Variants in IQCJ observed in about 807,000 individuals in gnomAD.
IQCJ encodes the protein IQ domain-containing protein J.
IQCJ carries 9 observed loss-of-function variants against 11.0 expected under a neutral mutation model. The ratio of observed to expected loss-of-function variants is 0.82; its 90% CI spans 0.49 to 1.43. The LOEUF (loss-of-function observed/expected upper bound fraction) is 1.43, where lower values mean the gene tolerates loss of function less well. Ranked by LOEUF, IQCJ falls within the 40% of genes most tolerant of loss-of-function variation. The probability of loss-of-function intolerance (pLI) is 0.00; values close to 1 mark genes in which losing one functional copy is unlikely to be tolerated. For missense variants in IQCJ, 146 were observed against 133.2 expected (o/e 1.10, Z -0.47); for synonymous variants, 55 against 51.3 (o/e 1.07, Z -0.31).
intron 1 of IQCJ, among the ~76,000 whole-genome samples, chr3:159,192,229 A>G (rs1363827562): frequency 1.3e-5 from 2 of 152,114 alleles, no homozygotes; most frequent in Non-Finnish European, 2.9e-5. Flanking sequence ...TTTAAATGTT[A>G]TTGATAATTT....
intron 1 of IQCJ, among the ~76,000 whole-genome samples, chr3:159,110,642 G>T (rs1394356457): frequency 4.6e-5 from 7 of 152,146 alleles, no homozygotes; most frequent in African/African-American, 1.7e-4. Flanking sequence ...GTTAGGAGGG[G>T]CCGTCTTTCT....
intron 1 of IQCJ, among the ~76,000 whole-genome samples, chr3:159,226,533 C>T (rs1725863783): frequency 6.6e-6 from 1 of 152,156 alleles, no homozygotes; most frequent in African/African-American, 2.4e-5. Flanking sequence ...TATATCACAA[C>T]TACAGTTATG....
chr3:159,174,077 A>T (rs1347147729), intron 1 of IQCJ, among the ~76,000 whole-genome samples: 1 of 152,128 alleles, frequency 6.6e-6, no homozygotes, highest in Non-Finnish European at 1.5e-5. Flanking sequence ...ATGTTCAATC[A>T]ACTCCTCTGA....
chr3:159,086,762 G>A (rs1716808423), intron 1 of IQCJ, among the ~76,000 whole-genome samples: 1 of 152,134 alleles, frequency 6.6e-6, no homozygotes, highest in Non-Finnish European at 1.5e-5. Context: ...TTTGTACATT[G>A]ATTTTGTATC....
chr3:159,074,087 C>T (rs1715758202), intron 1 of IQCJ, among the ~76,000 whole-genome samples: 1 of 151,980 alleles, frequency 6.6e-6, no homozygotes, highest in Admixed American at 6.6e-5. Context: ...TAAATTGGAG[C>T]TGGCCGAAGA....
chr3:159,196,087 T>C (rs959814865), intron 1 of IQCJ, among the ~76,000 whole-genome samples: 1 of 152,136 alleles, frequency 6.6e-6, no homozygotes, highest in East Asian at 1.9e-4. Flanking sequence ...GAAAGTAAAA[T>C]ACAGCAACAT....
intron 1 of IQCJ, among the ~76,000 whole-genome samples, chr3:159,091,964 CAA>C (rs1717342717): frequency 6.6e-6 from 1 of 151,550 alleles, no homozygotes; most frequent in Non-Finnish European, 1.5e-5. Flanking sequence ...ATAAATTAAG[CAA>C]AGAGTGTCAA....
chr3:159,210,636 A>G (rs1036163740), intron 1 of IQCJ, among the ~76,000 whole-genome samples: 1 of 151,984 alleles, frequency 6.6e-6, no homozygotes, highest in African/African-American at 2.4e-5. Flanking sequence ...CAGTTGTATC[A>G]CTCTATGCAA....
chr3:159,069,886 T>TGTGTGC (rs1491105773), intron 1 of IQCJ: 2 of 279,234 alleles, frequency 7.2e-6, no homozygotes, highest in Non-Finnish European at 1.4e-5. Flanking sequence ...TGTGTGTGTG[T>TGTGTGC]GCGTGTGTAT....
intron 1 of IQCJ, among the ~76,000 whole-genome samples, chr3:159,077,088 G>A (rs566642455): frequency 6.6e-6 from 1 of 152,066 alleles, no homozygotes; most frequent in Non-Finnish European, 1.5e-5. Context: ...GTACATTTAG[G>A]GGCAGGCATT....
intron 1 of IQCJ, among the ~76,000 whole-genome samples, chr3:159,241,539 C>T (rs754427424): frequency 1.3e-5 from 2 of 152,182 alleles, no homozygotes; most frequent in Non-Finnish European, 2.9e-5. Flanking sequence ...GGCCTTTTGT[C>T]TCTTTTTCCT....
intron 1 of IQCJ, among the ~76,000 whole-genome samples, chr3:159,140,707 A>C (rs1577035203): frequency 6.6e-6 from 1 of 152,302 alleles, no homozygotes; most frequent in East Asian, 1.9e-4. Context: ...ATCATTAGGC[A>C]TGTTGTTCTA....
At chr3:159,150,220 G>A (rs1721131854) in intron 1 of IQCJ, among the ~76,000 whole-genome samples, 1 of 152,174 alleles carries the variant, frequency 6.6e-6, no homozygotes, top group African/African-American at 2.4e-5. Flanking sequence ...AGGGTAGTGG[G>A]TAAGTGAGAG....
intron 1 of IQCJ, among the ~76,000 whole-genome samples, chr3:159,217,540 A>G (rs576367446): frequency 6.6e-6 from 1 of 152,234 alleles, no homozygotes; most frequent in South Asian, 2.1e-4. Context: ...TGTGTATTGT[A>G]CTCAAAACAA....
At chr3:159,082,335 A>T (rs892210394) in intron 1 of IQCJ, among the ~76,000 whole-genome samples, 9 of 151,346 alleles carry the variant, frequency 5.9e-5, no homozygotes, top group Non-Finnish European at 2.9e-5. Flanking sequence ...TTAGTTCCCA[A>T]ACAACTCTAT....
chr3:159,178,319 G>A (rs1184977421), intron 1 of IQCJ, among the ~76,000 whole-genome samples: 4 of 152,084 alleles, frequency 2.6e-5, no homozygotes, highest in African/African-American at 9.7e-5. Context: ...GGTGTTGATG[G>A]TTCCGTATAG....
At chr3:159,224,661 T>C (rs1725739933) in intron 1 of IQCJ, among the ~76,000 whole-genome samples, 1 of 152,208 alleles carries the variant, frequency 6.6e-6, no homozygotes, top group African/African-American at 2.4e-5. Context: ...TACCACCTAA[T>C]GCCTCTGCAA....
intron 1 of IQCJ, among the ~76,000 whole-genome samples, chr3:159,071,260 CATATT>C (rs1559972635): frequency 1.3e-5 from 2 of 151,710 alleles, no homozygotes; most frequent in Admixed American, 6.6e-5. Context: ...CTTAAAACAG[CATATT>C]ATATTAGGAG....
At chr3:159,212,225 A>G (rs1316432809) in intron 1 of IQCJ, among the ~76,000 whole-genome samples, 1 of 152,072 alleles carries the variant, frequency 6.6e-6, no homozygotes, top group Non-Finnish European at 1.5e-5. Flanking sequence ...ATCTTTTAAA[A>G]GAGAGTGTAG....
Sources: gnomAD v4.1 joint callset for allele counts (sites outside exome capture counted in the v4.1 genomes callset) on GRCh38, gnomAD v4.1.1 for gene constraint, MANE v1.5 for transcripts, NCBI Gene and HGNC (gene_info 2026-07-23, HGNC 2026-07-21) for gene names.